FBN3: variants seen among roughly 807,000 people sequenced by gnomAD.
The protein encoded by FBN3 is fibrillin-3.
A neutral mutation model predicts 330.1 loss-of-function variants in FBN3; 234 were observed. The ratio of observed to expected loss-of-function variants is 0.71; its 90% CI spans 0.64 to 0.79. The LOEUF is 0.79. Among genes scored for constraint, FBN3 ranks in the 30% least tolerant of loss-of-function variants. The pLI, the probability that FBN3 is intolerant of heterozygous loss-of-function variation, is 0.00. For missense variants in FBN3, 3,606 were observed against 3,886.9 expected (o/e 0.93, Z 1.92); for synonymous variants, 1,458 against 1,517.3 (o/e 0.96, Z 0.91).
chr19:8,066,322 G>A, intron 63 of FBN3, 62 bp from the exon 64 acceptor site: 1 of 1,246,942 alleles, frequency 8.0e-7, no homozygotes. Context: ...GTGTGGGTAG[G>A]GGGTCCTCGG....
chr19:8,118,752 T>G, intron 26 of FBN3, 145 bp downstream of exon 26: 1 of 992,126 alleles, frequency 1.0e-6, no homozygotes. Context: ...CACACACACT[T>G]GCACGCTCAC....
At position 8,149,139 on chromosome 19, in the gene FBN3, C is replaced by G. The variant is rs935040600; in HGVS notation, c.-18+310G>C. Among the ~76,000 whole-genome samples the G allele has an allele frequency of 2.6e-5, 4 of 151,920 alleles. No homozygotes were observed. Among genetic ancestry groups the G allele is most frequent in the Non-Finnish European group, 5.9e-5 (4 of 67,922 alleles). On this transcript the variant is annotated intron_variant, in intron 1 of 63. Transcript: ENST00000600128. This position sits in a 1 kb window ranked among gnomAD's most constrained non-coding sequence, Gnocchi z 5.5. ...TTCGCCGACGGGGAGGGGGCGCCCC[C>G]GGAGCCCGCGGGGCGCGATCTCCAC...
Position 8,133,065 on chromosome 19 carries a change from C to T in FBN3, c.1633G>A (p.Val545Met), listed in dbSNP as rs142269916. ...AAGCTGCCATCCTCGTTGAGACACACGCCGTTGACGCACATGGTGCTGGTG... is the reference window on the plus strand; with the variant it reads ...AAGCTGCCATCCTCGTTGAGACACATGCCGTTGACGCACATGGTGCTGGTG... ...CATSTMCVNGVCLNEDGSFSC... is the reference protein window; with the variant it reads ...CATSTMCVNGMCLNEDGSFSC... The change falls in exon 14 of 64, where the codon GTG (valine) becomes ATG (methionine). Residue 545 changes from valine (V) to methionine (M), a missense_variant. Val to Met is a conservative substitution (Grantham distance 21). Transcript: ENST00000600128. The T allele has an allele frequency of 9.5e-6, 15 of 1,585,644 alleles. No individual in the cohort carries two copies. The highest frequency in any genetic ancestry group is 2.3e-5 in the South Asian group (2 of 86,828).
Position 8,103,266 on chromosome 19 carries a change from CAA to C in FBN3, c.4939+294_4939+295del, listed in dbSNP as rs71165275. On this transcript the variant is annotated intron_variant, in intron 39 of 63. Coordinates refer to ENST00000600128, the MANE Select transcript of FBN3 (RefSeq NM_032447.5). Reference sequence around the variant, plus strand: ...TGGGTGACAGAGTGAGACTCTATCTCAAAAAAAAAAAAAAAAAAAGATTACTG... The same window carrying C: ...TGGGTGACAGAGTGAGACTCTATCTCAAAAAAAAAAAAAAAAAGATTACTG... Among the ~76,000 whole-genome samples, 806 of 107,930 alleles carry C rather than the reference CAA, an allele frequency of 7.5e-3. 11 individuals carry two copies. Among genetic ancestry groups the C allele is most frequent in the African/African-American group, 0.025 (759 of 30,436 alleles). The allele number at this position is 107,930 out of a possible 152,430, so 70.8% of individuals were successfully genotyped here.
intron 32 of FBN3, 48 bp downstream of exon 32, chr19:8,111,600 C>A: frequency 7.1e-7 from 1 of 1,404,932 alleles, no homozygotes. Context: ...ATTCAGCCCC[C>A]GTGGCTGTCC....
intron 47 of FBN3, among the ~76,000 whole-genome samples, chr19:8,093,171 G>A (rs920437635): frequency 6.6e-5 from 10 of 152,252 alleles, no homozygotes; most frequent in Admixed American, 2.0e-4. Context: ...AACTCATGTT[G>A]TACTAAGCTA....
At chr19:8,136,696 A>ACTCCAACCTGGGATCTAGATCC (rs2083288814) in intron 10 of FBN3, among the ~76,000 whole-genome samples, 165 bp from the exon 11 acceptor site, 2 of 151,910 alleles carry the variant, frequency 1.3e-5, no homozygotes, top group African/African-American at 4.8e-5. Flanking sequence ...TAGATTCAGA[A>ACTCCAACCTGGGATCTAGATCC]CTCCAACCTG....
chr19:8,131,584 G>A lies in FBN3; in HGVS notation c.1960C>T (p.Pro654Ser), dbSNP rs367930384. ...CANPDHGFGE[P>S]CQLCPAKDSA... is the part of the protein sequence containing the mutation. ...TCTTTGGCAGGACAAAGCTGGCAGGGCTCCCCAAAACCGTGGTCCGGATTG... is the reference window on the plus strand; with the variant it reads ...TCTTTGGCAGGACAAAGCTGGCAGGACTCCCCAAAACCGTGGTCCGGATTG... Residue 654 changes from proline (P) to serine (S), a missense_variant, in exon 15 of 64, where the codon CCC (proline) becomes TCC (serine). Transcript: ENST00000600128. This position sits in a 1 kb window ranked among gnomAD's most constrained non-coding sequence, Gnocchi z 4.5. 2.7e-5 allele frequency: 44 copies of A among 1,611,504 alleles called. No individual in the cohort carries two copies. In the African/African-American group the frequency reaches 5.5e-4, roughly 20 times the overall value.
At chr19:8,105,510 A>G (rs1295086312) in intron 38 of FBN3, among the ~76,000 whole-genome samples, 1 of 152,108 alleles carries the variant, frequency 6.6e-6, no homozygotes, top group African/African-American at 2.4e-5. Flanking sequence ...CTCCCACTTC[A>G]GCCTCCCAAA....
chr19:8,088,363 T>C (rs2144677702), intron 51 of FBN3, among the ~76,000 whole-genome samples, 184 bp from the exon 52 acceptor site: 1 of 152,176 alleles, frequency 6.6e-6, no homozygotes, highest in East Asian at 1.9e-4. Context: ...TGTGAGCAAG[T>C]GGGCAGGTAA....
In FBN3 at chr19:8,147,484, G is replaced by A. The variant is rs372760735; in HGVS notation, c.-4C>T. On this transcript the variant is annotated 5_prime_UTR_variant, in exon 2 of 64. In the 5' UTR this introduces an upstream ATG that the reference lacks. Coordinates refer to ENST00000600128, the MANE Select transcript of FBN3 (RefSeq NM_032447.5). ...AATACAGACCCTCCAGAGTCATGGC[G>A]TGTCCCCTGGAGGCTGCGGAGAGGA... The A allele has an allele frequency of 4.0e-5, 60 of 1,485,302 alleles. No homozygotes were observed. The highest frequency in any genetic ancestry group is 3.5e-4 in the African/African-American group (25 of 71,276). The allele number at this position is 1,485,302 out of a possible 1,614,324, so 92.0% of individuals were successfully genotyped here.
chr19:8,126,185 C>T (rs2082977057), intron 21 of FBN3, 112 bp downstream of exon 21: 8 of 1,428,624 alleles, frequency 5.6e-6, no homozygotes, highest in Non-Finnish European at 7.7e-6. Flanking sequence ...ACGTCTGTCC[C>T]CATCGCAAAA....
At chr19:8,110,633 C>T (rs1053645651) in intron 34 of FBN3, among the ~76,000 whole-genome samples, 2 of 152,178 alleles carry the variant, frequency 1.3e-5, no homozygotes, top group African/African-American at 2.4e-5. Context: ...CAGCAGCTAG[C>T]GTGGAGGGGC....
intron 61 of FBN3, 73 bp downstream of exon 61, chr19:8,074,998 G>A: frequency 1.3e-6 from 2 of 1,524,660 alleles, no homozygotes; most frequent in Non-Finnish European, 1.8e-6. Context: ...CTTGCAGGGT[G>A]GCGTCTGTTA....
In FBN3 at chr19:8,146,223, T is replaced by A; in HGVS notation, c.253A>T (p.Ile85Phe). Residue 85 changes from isoleucine to phenylalanine, a missense_variant and splice_region_variant, in exon 4 of 64, where the codon ATC (isoleucine) becomes TTC (phenylalanine). Ile to Phe is a conservative substitution (Grantham distance 21, BLOSUM62 0). Coordinates refer to ENST00000600128, the MANE Select transcript of FBN3 (RefSeq NM_032447.5). ...FPGRSQCVVP[I>F]CRRACGEGFC... is the part of the protein sequence containing the mutation. ...CCTTCACCGCAGGCGCGCCTACAGA[T>A]GGCTGGATGAGTGCAGCGGGTGGCA... The A allele has an allele frequency of 6.3e-7, 1 of 1,590,416 alleles. No homozygotes were observed. The highest frequency in any genetic ancestry group is 8.5e-7 in the Non-Finnish European group (1 of 1,170,010).
chr19:8,080,901 C>T (rs540960906), intron 59 of FBN3, 102 bp downstream of exon 59: 158 of 791,944 alleles, frequency 2.0e-4, no homozygotes, highest in Non-Finnish European at 3.0e-4. Context: ...GGATTACAGG[C>T]GTGAGCCATT....
In FBN3 at chr19:8,087,206, C is replaced by T. The variant is rs768890189; in HGVS notation, c.6625G>A (p.Asp2209Asn). Residue 2209 changes from aspartate (D) to asparagine (N), a missense_variant, in exon 54 of 64, where the codon GAC becomes AAC. By Grantham distance (23) the Asp-to-Asn change is conservative. Coordinates refer to ENST00000600128, the MANE Select transcript of FBN3 (RefSeq NM_032447.5). ...TCCTGCTGACCATCTGCACACTCGTCCACATCTTCGGATGACCAGAGACAG... is the reference window on the plus strand; with the variant it reads ...TCCTGCTGACCATCTGCACACTCGTTCACATCTTCGGATGACCAGAGACAG... Reference protein sequence around the residue: ...REDGAMCRDVDECADGQQDCH... With the variant: ...REDGAMCRDVNECADGQQDCH... 6.3e-7 allele frequency: 1 copy of T among 1,591,654 alleles called. No individual in the cohort carries two copies. The highest frequency in any genetic ancestry group is 8.5e-7 in the Non-Finnish European group (1 of 1,170,534).
chr19:8,127,056 T>TTG (rs1360640722), intron 18 of FBN3, among the ~76,000 whole-genome samples: 28 of 111,400 alleles, frequency 2.5e-4, no homozygotes, highest in African/African-American at 7.4e-4. Context: ...CTGTTTTTTT[T>TTG]TTGTTTTTTT....
chr19:8,072,966 CGTGTGTGTGTGTGTGTGTGTGT>C, intron 62 of FBN3, 75 bp downstream of exon 62: 1 of 643,268 alleles, frequency 1.6e-6, no homozygotes, highest in Non-Finnish European at 2.7e-6. Flanking sequence ...CACAAAGCCC[CGTGTGTGTGTGTGTGTGTGTGT>C]GTGTGTGTGT....
Sources: gnomAD v4.1 joint callset for allele counts (sites outside exome capture counted in the v4.1 genomes callset) on GRCh38, gnomAD v4.1.1 for gene constraint, Gnocchi (gnomAD v3.1) non-coding constraint, MANE v1.5 for transcripts, NCBI Gene and HGNC (gene_info 2026-07-23, HGNC 2026-07-21) for gene names.